Variants in PTPN12 observed in about 807,000 individuals in gnomAD.
PTPN12 encodes tyrosine-protein phosphatase non-receptor type 12.
PTPN12 carries 29 observed loss-of-function variants against 97.6 expected under a neutral mutation model. The ratio of observed to expected loss-of-function variants is 0.30; its 90% CI spans 0.22 to 0.41. The LOEUF is 0.41. Among genes scored for constraint, PTPN12 ranks in the 10% least tolerant of loss-of-function variants. The pLI is 1.00. For missense variants in PTPN12, 819 were observed against 926.0 expected (o/e 0.88, Z 1.50); for synonymous variants, 327 against 300.4 (o/e 1.09, Z -0.91).
chr7:77,605,413 T>TGG (rs2151368831), intron 8 of PTPN12, among the ~76,000 whole-genome samples: 4 of 104,294 alleles, frequency 3.8e-5, no homozygotes, highest in East Asian at 3.4e-4. Context: ...TCATGAGTTT[T>TGG]TTTTTTTTTT....
chr7:77,637,851 C>G (rs1364436003), intron 16 of PTPN12, among the ~76,000 whole-genome samples: 2 of 99,774 alleles, frequency 2.0e-5, no homozygotes, highest in Non-Finnish European at 3.6e-5. Context: ...GAGGGAAACT[C>G]CGTCTCAAAA....
Position 77,537,538 on chromosome 7 carries a change from C to T in PTPN12, c.-9C>T. The T allele has an allele frequency of 6.3e-7, 1 of 1,583,266 alleles. No homozygotes were observed. The highest frequency in any genetic ancestry group is 8.6e-7 in the Non-Finnish European group (1 of 1,167,250). ...GGGCCAGCGACCGCAGCCGGGGGGA[C>T]GCGGGAGGATGGAGCAAGTGGAGAT... On this transcript the variant is annotated 5_prime_UTR_variant, in exon 1 of 18. It adds an upstream start codon to the 5' untranslated region. Transcript: ENST00000248594.
intron 1 of PTPN12, among the ~76,000 whole-genome samples, chr7:77,544,132 A>AAT (rs1317213364): frequency 6.6e-6 from 1 of 152,180 alleles, no homozygotes; most frequent in African/African-American, 2.4e-5. Context: ...TCCAATCAGG[A>AAT]ATATATGAGG....
intron 8 of PTPN12, among the ~76,000 whole-genome samples, chr7:77,601,488 C>T (rs1488147218): frequency 6.6e-6 from 1 of 152,072 alleles, no homozygotes; most frequent in African/African-American, 2.4e-5. Flanking sequence ...CAGGCGTGAG[C>T]CACTACGCCT....
Position 77,594,814 on chromosome 7 carries a change from A to C in PTPN12, c.492+2558A>C, listed in dbSNP as rs1040422832. Among the ~76,000 whole-genome samples the C allele has an allele frequency of 2.6e-5, 4 of 152,234 alleles. No individual in the cohort carries two copies. In the South Asian group the frequency reaches 8.3e-4, roughly 32 times the overall value. On this transcript the variant is annotated intron_variant, in intron 6 of 17. Transcript: ENST00000248594. ...CACCCGGCCAAACATTTGTAAATTT[A>C]GATGTAATAAGATAACTATAGTGAA...
At chr7:77,552,749 C>T (rs1216904598) in intron 1 of PTPN12, among the ~76,000 whole-genome samples, 1 of 152,146 alleles carries the variant, frequency 6.6e-6, no homozygotes, top group African/African-American at 2.4e-5. Flanking sequence ...TTATAGTGGA[C>T]AGTCCAATGA....
At chr7:77,572,093 G>A (rs920346886) in intron 2 of PTPN12, among the ~76,000 whole-genome samples, 1 of 119,332 alleles carries the variant, frequency 8.4e-6, no homozygotes, top group Non-Finnish European at 1.6e-5. Flanking sequence ...TAAAGTTCTT[G>A]GTGACTTTTT....
At chr7:77,613,635 A>C (rs1788649813) in intron 11 of PTPN12, among the ~76,000 whole-genome samples, 1 of 152,008 alleles carries the variant, frequency 6.6e-6, no homozygotes, top group Non-Finnish European at 1.5e-5. Flanking sequence ...AGGCAGGATC[A>C]CCTGAGGCCA....
chr7:77,619,105 A>G (rs950612499), intron 12 of PTPN12, among the ~76,000 whole-genome samples: 1 of 152,168 alleles, frequency 6.6e-6, no homozygotes, highest in Admixed American at 6.6e-5. Context: ...GCAGAAGAAG[A>G]TAGTTTCAAC....
At chr7:77,631,121 C>T (rs770092172) in intron 13 of PTPN12, among the ~76,000 whole-genome samples, 4 of 152,160 alleles carry the variant, frequency 2.6e-5, no homozygotes, top group East Asian at 1.9e-4. Flanking sequence ...CTTCACTGTG[C>T]GCTGTTAGTA....
intron 12 of PTPN12, among the ~76,000 whole-genome samples, chr7:77,618,958 C>T (rs532836789): frequency 6.6e-6 from 1 of 152,040 alleles, no homozygotes; most frequent in East Asian, 1.9e-4. Context: ...GAGTTTATTT[C>T]TTTAATTTTT....
chr7:77,629,448 A>C (rs1789320278), intron 13 of PTPN12, among the ~76,000 whole-genome samples: 2 of 152,198 alleles, frequency 1.3e-5, no homozygotes, highest in Non-Finnish European at 2.9e-5. Flanking sequence ...ACTATATAAG[A>C]AAATATGTAG....
intron 1 of PTPN12, among the ~76,000 whole-genome samples, chr7:77,558,210 C>CAAAAAAAAAAAAAAAAAAAAAA (rs61149538): frequency 1.1e-5 from 1 of 93,614 alleles, no homozygotes; most frequent in Non-Finnish European, 2.2e-5. Flanking sequence ...GACTCCATCT[C>CAAAAAAAAAAAAAAAAAAAAAA]AAAAAAAAAA....
rs1377940515 is a variant in PTPN12 at position 77,537,542 on chromosome 7, G to C, written c.-5G>C. The C allele has an allele frequency of 1.9e-6, 3 of 1,590,520 alleles. No homozygotes were observed. On this transcript the variant is annotated 5_prime_UTR_variant, in exon 1 of 18. Transcript: ENST00000248594. ...CAGCGACCGCAGCCGGGGGGACGCG[G>C]GAGGATGGAGCAAGTGGAGATCCTG...
At chr7:77,584,427 T>G (rs944487293) in intron 4 of PTPN12, among the ~76,000 whole-genome samples, 4 of 152,214 alleles carry the variant, frequency 2.6e-5, no homozygotes, top group Admixed American at 1.3e-4. Flanking sequence ...TGAAGAAACT[T>G]TCTGGATGAT....
In PTPN12 at chr7:77,613,173, T is replaced by G. The variant is rs1293561750; in HGVS notation, c.939+2127T>G. 3.0e-3 allele frequency among the ~76,000 whole-genome samples: 397 copies of G among 132,600 alleles called. 7 individuals are homozygous for G. Among genetic ancestry groups the G allele is most frequent in the South Asian group, 0.012 (47 of 3,908 alleles). The allele number at this position is 132,600 out of a possible 152,430, so 87.0% of individuals were successfully genotyped here. ...AGTTTTCTTTAATTTTTGGGTTTTT[T>G]TTTTTTTTTTTTTTTTTTTGAGATG... On this transcript the variant is annotated intron_variant, in intron 11 of 17. Coordinates refer to ENST00000248594, the MANE Select transcript of PTPN12 (RefSeq NM_002835.4).
Position 77,563,141 on chromosome 7 carries a change from C to G in PTPN12, c.100-7937C>G, listed in dbSNP as rs373539473. Among the ~76,000 whole-genome samples, 14 of 152,296 alleles carry G rather than the reference C, an allele frequency of 9.2e-5. No homozygotes were observed. In the South Asian group the frequency reaches 1.0e-3, roughly 11 times the overall value. ...GATTATCTAGCTATATTGGAGAGAT[C>G]TCCTTCGCTAGTAATTGATGAAACC... is the stretch of plus-strand genomic sequence containing the variant. On this transcript the variant is annotated intron_variant, in intron 1 of 17. Transcript: ENST00000248594.
intron 9 of PTPN12, among the ~76,000 whole-genome samples, chr7:77,609,890 AC>A (rs1788510404): frequency 3.6e-5 from 5 of 140,418 alleles, no homozygotes; most frequent in Non-Finnish European, 6.1e-5. Context: ...CAAAAAAAAA[AC>A]AACAAAAAAA....
chr7:77,608,358 T>A (rs912943457), intron 9 of PTPN12, among the ~76,000 whole-genome samples: 1 of 152,230 alleles, frequency 6.6e-6, no homozygotes, highest in Non-Finnish European at 1.5e-5. Flanking sequence ...ATTGTTAGTG[T>A]TGATTACTGT....
Sources: gnomAD v4.1 joint callset for allele counts (sites outside exome capture counted in the v4.1 genomes callset) on GRCh38, gnomAD v4.1.1 for gene constraint, MANE v1.5 for transcripts, NCBI Gene and HGNC (gene_info 2026-07-23, HGNC 2026-07-21) for gene names.